The following AFAP1L1 variants were observed in gnomAD, a reference collection of about 807,000 sequenced individuals.
AFAP1L1 encodes actin filament associated protein 1 like 1.
Under a neutral mutation model 99.8 loss-of-function variants are expected in AFAP1L1, and 77 were observed. The ratio of observed to expected loss-of-function variants is 0.77; its 90% CI spans 0.64 to 0.93. AFAP1L1 has a LOEUF of 0.93. AFAP1L1 is among the 40% of genes least tolerant of loss of function. AFAP1L1 has a pLI of 0.00. For missense variants in AFAP1L1, 893 were observed against 996.8 expected (o/e 0.90, Z 1.40); for synonymous variants, 373 against 395.3 (o/e 0.94, Z 0.67).
intron 4 of AFAP1L1, 114 bp from the exon 5 acceptor site, chr5:149,302,304 G>A: frequency 1.5e-6 from 1 of 654,152 alleles, no homozygotes; most frequent in South Asian, 2.3e-5. Context: ...TAAAAGGTAT[G>A]GCTTCACATT....
At chr5:149,324,209 A>G (rs1162742322) in intron 15 of AFAP1L1, among the ~76,000 whole-genome samples, 1 of 152,224 alleles carries the variant, frequency 6.6e-6, no homozygotes, top group Non-Finnish European at 1.5e-5. Flanking sequence ...AAAATCCCAT[A>G]AGCTGGGGAA....
rs189809288 is a variant in AFAP1L1 at position 149,339,271 on chromosome 5, C to T, written c.2284-736C>T. Reference sequence around the variant, plus strand: ...TCTTGGCTCACTGCAACCACTGCAACCTCCACCTCCCAGGTTCAAGCAATT... The same window carrying T: ...TCTTGGCTCACTGCAACCACTGCAATCTCCACCTCCCAGGTTCAAGCAATT... On this transcript the variant is annotated intron_variant, in intron 18 of 18. Transcript: ENST00000296721. 1.5e-3 allele frequency among the ~76,000 whole-genome samples: 223 copies of T among 149,434 alleles called. 1 individual carries two copies. Among genetic ancestry groups the T allele is most frequent in the South Asian group, 8.5e-3 (40 of 4,726 alleles).
At chr5:149,317,515 G>A (rs1323428636) in intron 11 of AFAP1L1, among the ~76,000 whole-genome samples, 1 of 152,236 alleles carries the variant, frequency 6.6e-6, no homozygotes, top group Admixed American at 6.5e-5. Context: ...CCCAAAGGCT[G>A]TGCAGAGATG....
chr5:149,287,685 C>T (rs1175913592), intron 1 of AFAP1L1, among the ~76,000 whole-genome samples: 6 of 151,460 alleles, frequency 4.0e-5, no homozygotes, highest in South Asian at 2.1e-4. Flanking sequence ...TGGGTTCAAG[C>T]GATTCTCCTG....
In AFAP1L1 at chr5:149,332,738, A is replaced by C. The variant is rs1427973358; in HGVS notation, c.2019A>C (p.Glu673Asp). 1 of 1,613,928 alleles carries C rather than the reference A, an allele frequency of 6.2e-7. No individual in the cohort carries two copies. The highest frequency in any genetic ancestry group is 8.5e-7 in the Non-Finnish European group (1 of 1,180,010). Residue 673 changes from glutamate (E) to aspartate (D), a missense_variant, in exon 17 of 19, where the codon GAA becomes GAC. Glu to Asp is a conservative substitution (Grantham distance 45). Transcript: ENST00000296721. ...TGGAAGAAGCCGTGGCCACCCTGGAAGCTCAGTGTCGGGCAAAGGAGGAGC... is the reference window on the plus strand; with the variant it reads ...TGGAAGAAGCCGTGGCCACCCTGGACGCTCAGTGTCGGGCAAAGGAGGAGC... ...KALEEAVATL[E>D]AQCRAKEERR...
intron 18 of AFAP1L1, among the ~76,000 whole-genome samples, chr5:149,338,716 T>A (rs1444732371): frequency 3.3e-5 from 5 of 152,182 alleles, no homozygotes; most frequent in Admixed American, 3.3e-4. Flanking sequence ...AAGAATGTGA[T>A]GCCAGAGAAG....
chr5:149,307,709 C>T (rs1756465766), intron 7 of AFAP1L1, 96 bp downstream of exon 7: 2 of 1,308,668 alleles, frequency 1.5e-6, no homozygotes, highest in Non-Finnish European at 2.1e-6. Context: ...CTTGGGCATA[C>T]CTGGATTGAC....
At chr5:149,298,772 A>G (rs1756093510) in intron 1 of AFAP1L1, among the ~76,000 whole-genome samples, 1 of 152,236 alleles carries the variant, frequency 6.6e-6, no homozygotes, top group South Asian at 2.1e-4. Context: ...TCTGTGCTCT[A>G]GGATCTTGCA....
At chr5:149,316,628 T>C (rs1756806954) in intron 11 of AFAP1L1, among the ~76,000 whole-genome samples, 1 of 152,178 alleles carries the variant, frequency 6.6e-6, no homozygotes, top group Admixed American at 6.5e-5. Context: ...GGGTATCTTA[T>C]TTTCCAGCAT....
Position 149,330,377 on chromosome 5 carries a change from G to T in AFAP1L1, c.1975+547G>T, listed in dbSNP as rs570349528. Among the ~76,000 whole-genome samples the T allele has an allele frequency of 3.3e-5, 5 of 152,270 alleles. No homozygotes were observed. The South Asian group carries it at 1.0e-3, about 32-fold the overall frequency. ...GTAGTTTGACACACTTTAAGCCTAAGGTTTCTTCACATGCTGGAGGGAGCA... is the reference window on the plus strand; with the variant it reads ...GTAGTTTGACACACTTTAAGCCTAATGTTTCTTCACATGCTGGAGGGAGCA... On this transcript the variant is annotated intron_variant, in intron 16 of 18. Coordinates refer to ENST00000296721, the MANE Select transcript of AFAP1L1 (RefSeq NM_152406.4).
chr5:149,329,928 C>A (rs183378523), intron 16 of AFAP1L1, 98 bp downstream of exon 16: 3 of 1,179,732 alleles, frequency 2.5e-6, no homozygotes, highest in Non-Finnish European at 3.3e-6. Flanking sequence ...TGGTTTCTTA[C>A]CCAAGAGAAG....
intron 6 of AFAP1L1, 44 bp from the exon 7 acceptor site, chr5:149,307,358 C>T (rs1271166826): frequency 3.7e-6 from 6 of 1,605,426 alleles, no homozygotes; most frequent in Non-Finnish European, 5.1e-6. Flanking sequence ...AAGGTGCTTC[C>T]CCAGGATGGC....
chr5:149,284,180 T>G (rs2127590125), intron 1 of AFAP1L1, among the ~76,000 whole-genome samples: 1 of 152,294 alleles, frequency 6.6e-6, no homozygotes, highest in Non-Finnish European at 1.5e-5. Flanking sequence ...ACATGGGGCC[T>G]CCATGTCCTT....
At position 149,332,844 on chromosome 5, in the gene AFAP1L1, C is replaced by A. The variant is rs138982513; in HGVS notation, c.2125C>A (p.Leu709Ile). ...CCTGGCAGGAGGGCCAGCCCTGGGG[C>A]TCTCCGTGAGCAGCAAGCCCAAGAG... ...QSLAGGPALG[L>I]SVSSKPKSGE... The change falls in exon 17 of 19, where the codon CTC becomes ATC. Residue 709 changes from leucine (L) to isoleucine (I), a missense_variant. Leu to Ile is a conservative substitution (Grantham distance 5). Transcript: ENST00000296721. The A allele has an allele frequency of 1.2e-6, 2 of 1,607,308 alleles. No homozygotes were observed. Among genetic ancestry groups the A allele is most frequent in the African/African-American group, 2.7e-5 (2 of 74,960 alleles).
At chr5:149,315,958 GC>G in intron 10 of AFAP1L1, 44 bp downstream of exon 10, 3 of 1,609,548 alleles carry the variant, frequency 1.9e-6, no homozygotes, top group Non-Finnish European at 2.6e-6. Flanking sequence ...CTGGAACTGG[GC>G]CGGGCCTTGC....
chr5:149,311,250 A>T (rs1268410266), intron 8 of AFAP1L1, among the ~76,000 whole-genome samples: 1 of 152,124 alleles, frequency 6.6e-6, no homozygotes, highest in Non-Finnish European at 1.5e-5. Flanking sequence ...CCTTTGTCTC[A>T]GGAGGGAAAG....
intron 8 of AFAP1L1, among the ~76,000 whole-genome samples, chr5:149,310,461 A>T (rs1183084453): frequency 6.6e-6 from 1 of 152,238 alleles, no homozygotes; most frequent in Non-Finnish European, 1.5e-5. Context: ...TCATTAGACC[A>T]GTGAATTCTT....
intron 18 of AFAP1L1, among the ~76,000 whole-genome samples, chr5:149,339,339 A>G (rs1010328046): frequency 1.3e-5 from 2 of 152,004 alleles, no homozygotes; most frequent in Admixed American, 6.6e-5. Context: ...ACAGGTGCAC[A>G]ACACCACACT....
chr5:149,296,129 G>A lies in AFAP1L1; in HGVS notation c.17-3380G>A, dbSNP rs938753949. 1.4e-4 allele frequency among the ~76,000 whole-genome samples: 21 copies of A among 152,060 alleles called. 1 individual carries two copies. The highest frequency in any genetic ancestry group is 4.4e-5 in the Non-Finnish European group (3 of 68,024). On this transcript the variant is annotated intron_variant, in intron 1 of 18. Transcript: ENST00000296721. ...ACTCACTGCAACCTCCTCCTTCCAGGATCAAGCAATCCTCCCACCCCAGTC... is the reference window on the plus strand; with the variant it reads ...ACTCACTGCAACCTCCTCCTTCCAGAATCAAGCAATCCTCCCACCCCAGTC...
Sources: gnomAD v4.1 joint callset for allele counts (sites outside exome capture counted in the v4.1 genomes callset) on GRCh38, gnomAD v4.1.1 for gene constraint, MANE v1.5 for transcripts, NCBI Gene and HGNC (gene_info 2026-07-23, HGNC 2026-07-21) for gene names.